Variants in ACO2 observed in about 807,000 individuals in gnomAD.
ACO2 encodes aconitate hydratase, mitochondrial.
A neutral mutation model predicts 84.5 loss-of-function variants in ACO2; 31 were observed. The ratio of observed to expected loss-of-function variants is 0.37; its 90% CI spans 0.28 to 0.50. The LOEUF (loss-of-function observed/expected upper bound fraction) is 0.50. Ranked by LOEUF, ACO2 falls within the 20% of genes least tolerant of loss-of-function variation. The probability of loss-of-function intolerance (pLI) is 0.97; values close to 1 mark genes in which losing one functional copy is unlikely to be tolerated. For synonymous variants in ACO2, 414 were observed against 412.7 expected, an observed-to-expected ratio of 1.00 and a Z score of -0.04; for missense variants, 685 against 1,029.3, an observed-to-expected ratio of 0.67 and a Z score of 4.58.
At chr22:41,527,060 C>T in intron 15 of ACO2, 3 of 614,850 alleles carry the variant, frequency 4.9e-6, no homozygotes, top group East Asian at 5.7e-5. Flanking sequence ...GTCTTCTTTG[C>T]CACTGCAAAC....
At chr22:41,511,993 C>T in intron 4 of ACO2, 25 bp downstream of exon 4, 2 of 1,577,770 alleles carry the variant, frequency 1.3e-6, no homozygotes, top group Non-Finnish European at 1.7e-6. Context: ...AGTCTGCCGT[C>T]CCAAGGGCCC....
At chr22:41,527,855 C>T (rs781021409) in intron 16 of ACO2, 46 bp from the exon 17 acceptor site, 6 of 1,613,842 alleles carry the variant, frequency 3.7e-6, no homozygotes, top group South Asian at 2.2e-5. Context: ...ATGAAGCTCT[C>T]CAGGCTAGTC....
chr22:41,482,926 A>G (rs2038105752), intron 1 of ACO2, among the ~76,000 whole-genome samples: 1 of 152,230 alleles, frequency 6.6e-6, no homozygotes, highest in African/African-American at 2.4e-5. Context: ...TGATTTAAGA[A>G]GCATTAGTTT....
At chr22:41,498,188 T>G (rs1313491481) in intron 1 of ACO2, among the ~76,000 whole-genome samples, 1 of 152,078 alleles carries the variant, frequency 6.6e-6, no homozygotes, top group Non-Finnish European at 1.5e-5. Flanking sequence ...AGTGTGCGCC[T>G]GTAGTCCCAG....
chr22:41,512,627 G>A (rs1403648889), intron 4 of ACO2, among the ~76,000 whole-genome samples: 1 of 152,170 alleles, frequency 6.6e-6, no homozygotes, highest in Non-Finnish European at 1.5e-5. Context: ...GGCGCTCCTC[G>A]GATTTCTTTT....
chr22:41,475,267 G>C (rs2037999617), intron 1 of ACO2, among the ~76,000 whole-genome samples: 1 of 150,642 alleles, frequency 6.6e-6, no homozygotes, highest in East Asian at 2.0e-4. Context: ...TGACCTCCTG[G>C]GCTCAAGCAG....
At chr22:41,488,543 T>G (rs2066248983) in intron 1 of ACO2, among the ~76,000 whole-genome samples, 1 of 152,230 alleles carries the variant, frequency 6.6e-6, no homozygotes, top group South Asian at 2.1e-4. Flanking sequence ...GTAAGCTGTG[T>G]GACCAGCCAG....
chr22:41,482,714 T>A (rs2038103253), intron 1 of ACO2, among the ~76,000 whole-genome samples: 2 of 152,224 alleles, frequency 1.3e-5, no homozygotes, highest in Admixed American at 6.5e-5. Context: ...AGGCCTGTCA[T>A]GTGCCAGGCA....
chr22:41,513,100 C>T (rs943902559), intron 4 of ACO2, among the ~76,000 whole-genome samples: 7 of 152,146 alleles, frequency 4.6e-5, no homozygotes, highest in African/African-American at 1.4e-4. Context: ...GTGGAATGGC[C>T]GTTTGCAGCG....
chr22:41,484,015 G>A (rs879926781), intron 1 of ACO2, among the ~76,000 whole-genome samples: 2 of 152,198 alleles, frequency 1.3e-5, no homozygotes, highest in Admixed American at 6.5e-5. Context: ...TGTCGTAGCC[G>A]ATGGAGAGTT....
At chr22:41,488,386 A>C (rs2066247266) in intron 1 of ACO2, among the ~76,000 whole-genome samples, 1 of 152,172 alleles carries the variant, frequency 6.6e-6, no homozygotes, top group Non-Finnish European at 1.5e-5. Flanking sequence ...CAAATGTATT[A>C]TTTTGTTAAT....
intron 4 of ACO2, 74 bp downstream of exon 4, chr22:41,512,042 G>C: frequency 8.2e-7 from 1 of 1,223,312 alleles, no homozygotes; most frequent in South Asian, 1.5e-5. Flanking sequence ...GGGGGGAGGG[G>C]GTTTGAGGCC....
intron 2 of ACO2, 147 bp from the exon 3 acceptor site, chr22:41,507,644 C>T: frequency 2.6e-6 from 3 of 1,153,622 alleles, no homozygotes; most frequent in South Asian, 3.2e-5. Flanking sequence ...CCAGCAGTCC[C>T]CACCCAAGTG....
chr22:41,485,585 C>T (rs1162504992), intron 1 of ACO2, among the ~76,000 whole-genome samples: 6 of 151,910 alleles, frequency 3.9e-5, no homozygotes, highest in Non-Finnish European at 4.4e-5. Context: ...GGACTACAGG[C>T]GCCCACCACC....
Position 41,515,148 on chromosome 22 carries a change from C to CAT in ACO2, c.526-225_526-224dup, listed in dbSNP as rs992414702. ...TGGGGCAGCATTCAAAGGCCCAAGA[C>CAT]ATATAGCAGGAAATATCAGAGCTAT... On this transcript the variant is annotated intron_variant, in intron 4 of 17. Transcript: ENST00000216254. The surrounding 1 kb of genome is among the most constrained non-coding windows in gnomAD (Gnocchi z 5.8). Among the ~76,000 whole-genome samples, 1 of 152,202 alleles carries CAT rather than the reference C, an allele frequency of 6.6e-6. No individual in the cohort carries two copies. The highest frequency in any genetic ancestry group is 1.5e-5 in the Non-Finnish European group (1 of 68,026).
In ACO2 at chr22:41,515,740, AC is replaced by A; in HGVS notation, c.685-26del. 1 of 1,612,280 alleles carries A rather than the reference AC, an allele frequency of 6.2e-7. No homozygotes were observed. Among genetic ancestry groups the A allele is most frequent in the Non-Finnish European group, 8.5e-7 (1 of 1,179,776 alleles). On this transcript the variant is annotated intron_variant, in intron 5 of 17. Transcript: ENST00000216254. The surrounding 1 kb of genome is among the most constrained non-coding windows in gnomAD (Gnocchi z 5.8). ...CTGGCACAGGCACACACGGCCTCTC[AC>A]AGCCGCCTCGCCCCCTCCTGTCCAG... is the stretch of plus-strand genomic sequence containing the variant.
chr22:41,485,713 G>A (rs2146090026), intron 1 of ACO2, among the ~76,000 whole-genome samples: 1 of 152,172 alleles, frequency 6.6e-6, no homozygotes, highest in Non-Finnish European at 1.5e-5. Flanking sequence ...AAAGTGCTGG[G>A]ATTACAGGTG....
intron 1 of ACO2, among the ~76,000 whole-genome samples, chr22:41,484,715 A>G (rs1410501726): frequency 6.6e-6 from 1 of 151,974 alleles, no homozygotes; most frequent in African/African-American, 2.4e-5. Context: ...CATTCATATT[A>G]TTTCATGCCT....
chr22:41,486,537 C>G (rs2038159515), intron 1 of ACO2, among the ~76,000 whole-genome samples: 1 of 148,062 alleles, frequency 6.8e-6, no homozygotes, highest in Non-Finnish European at 1.5e-5. Context: ...GTGGCGCGAT[C>G]TCTGCTCACT....
Sources: gnomAD v4.1 joint callset for allele counts (sites outside exome capture counted in the v4.1 genomes callset) on GRCh38, gnomAD v4.1.1 for gene constraint, Gnocchi (gnomAD v3.1) non-coding constraint, MANE v1.5 for transcripts, NCBI Gene and HGNC (gene_info 2026-07-23, HGNC 2026-07-21) for gene names.